Variants in ATP4A observed in about 807,000 individuals in gnomAD.
The protein encoded by ATP4A is ATPase H+/K+ transporting subunit alpha, also known as potassium-transporting ATPase alpha chain 1.
Under a neutral mutation model 112.1 loss-of-function variants are expected in ATP4A, and 73 were observed. The ratio of observed to expected loss-of-function variants is 0.65; its 90% CI spans 0.54 to 0.79. ATP4A has a LOEUF of 0.79. Among genes scored for constraint, ATP4A ranks in the 30% least tolerant of loss-of-function variants. The pLI is 0.00. For missense variants in ATP4A, 1,081 were observed against 1,425.9 expected, an observed-to-expected ratio of 0.76 and a Z score of 3.90; for synonymous variants, 588 against 588.9, an observed-to-expected ratio of 1.00 and a Z score of 0.02.
At position 35,550,580 on chromosome 19, in the gene ATP4A, G is replaced by T. The variant is rs776430339; in HGVS notation, c.*35C>A. 1 of 1,613,158 alleles carries T rather than the reference G, an allele frequency of 6.2e-7. No individual in the cohort carries two copies. Among genetic ancestry groups the T allele is most frequent in the South Asian group, 1.1e-5 (1 of 91,068 alleles). ...CACGAGCCCTGCCCCCACCTGCTGTGGCAGTTGCAGGGATGCTTGAAGGCA... is the reference window on the plus strand; with the variant it reads ...CACGAGCCCTGCCCCCACCTGCTGTTGCAGTTGCAGGGATGCTTGAAGGCA... On this transcript the variant is annotated 3_prime_UTR_variant, in exon 22 of 22. Transcript: ENST00000262623. This position sits in a 1 kb window ranked among gnomAD's most constrained non-coding sequence, Gnocchi z 4.1.
Position 35,559,200 on chromosome 19 carries a change from G to C in ATP4A, c.1057-9C>G, listed in dbSNP as rs780485436. The C allele has an allele frequency of 6.2e-7, 1 of 1,613,484 alleles. No homozygotes were observed. The highest frequency in any genetic ancestry group is 2.2e-5 in the East Asian group (1 of 44,874). On this transcript the variant is annotated splice_polypyrimidine_tract_variant and intron_variant, in intron 7 of 21. Transcript: ENST00000262623. The surrounding 1 kb of genome is among the most constrained non-coding windows in gnomAD (Gnocchi z 4.1). ...GTCAGGGACAGGCAGACCTGGGGAA[G>C]GGGTGAGCACCGCAGGCTGGGGACC...
At position 35,555,356 on chromosome 19, in the gene ATP4A, G is replaced by A. The variant is rs1454126460; in HGVS notation, c.2158-22C>T. 15 of 1,606,044 alleles carry A rather than the reference G, an allele frequency of 9.3e-6. No homozygotes were observed. The highest frequency in any genetic ancestry group is 1.3e-5 in the African/African-American group (1 of 74,870). On this transcript the variant is annotated intron_variant, in intron 14 of 21. Coordinates refer to ENST00000262623, the MANE Select transcript of ATP4A (RefSeq NM_000704.3). The surrounding 1 kb of genome is among the most constrained non-coding windows in gnomAD (Gnocchi z 6.6). Reference sequence around the variant, plus strand: ...CACCCTGCAGGCAGTGGGTGCAGGTGGTGGGTGGGTGGTCAGTGAGAGGCC... The same window carrying A: ...CACCCTGCAGGCAGTGGGTGCAGGTAGTGGGTGGGTGGTCAGTGAGAGGCC...
chr19:35,553,670 C>T, intron 17 of ATP4A, 36 bp downstream of exon 17: 1 of 1,609,590 alleles, frequency 6.2e-7, no homozygotes, highest in Non-Finnish European at 8.5e-7. Flanking sequence ...GCGCAGAGCC[C>T]CCCACCTCCA....
Position 35,551,554 on chromosome 19 carries a change from C to T in ATP4A, c.2778G>A (p.Gln926=), listed in dbSNP as rs1488152268. Residue 926 remains glutamine, a synonymous_variant, in exon 19 of 22, where the codon CAG becomes CAA. Coordinates refer to ENST00000262623, the MANE Select transcript of ATP4A (RefSeq NM_000704.3). This position sits in a 1 kb window ranked among gnomAD's most constrained non-coding sequence, Gnocchi z 5.2. ...TGAAGAACACGGTGTAGCAGGTGTACTGCTGGTACAGGCGCTGCCCGAATG... is the reference window on the plus strand; with the variant it reads ...TGAAGAACACGGTGTAGCAGGTGTATTGCTGGTACAGGCGCTGCCCGAATG... ...EWTFGQRLYQ[Q]YTCYTVFFIS... is the part of the protein sequence containing the mutation. 1.9e-6 allele frequency: 3 copies of T among 1,613,488 alleles called. No homozygotes were observed. Among genetic ancestry groups the T allele is most frequent in the African/African-American group, 1.3e-5 (1 of 74,912 alleles).
chr19:35,550,954 T>C lies in ATP4A; in HGVS notation c.2988-29A>G. ...AAGGCACATGGCAAGGTGAAGGCCA[T>C]CCCAGGCCTGTGCCCTACAGCCCCC... On this transcript the variant is annotated intron_variant, in intron 20 of 21. Coordinates refer to ENST00000262623, the MANE Select transcript of ATP4A (RefSeq NM_000704.3). The surrounding 1 kb of genome is among the most constrained non-coding windows in gnomAD (Gnocchi z 4.1). The C allele has an allele frequency of 6.2e-7, 1 of 1,613,520 alleles. No individual in the cohort carries two copies. The highest frequency in any genetic ancestry group is 8.5e-7 in the Non-Finnish European group (1 of 1,179,626).
rs2146308983 is a variant in ATP4A at position 35,557,026 on chromosome 19, C to T, written c.1756G>A (p.Ala586Thr). ...AGGCCGCTAGATGGAAAGTTCATGG[C>T]CTCTACGTCGAAGGCATAGCCAGGC... ...YPPGYAFDVE[A>T]MNFPSSGLCF... Residue 586 changes from alanine to threonine, a missense_variant, in exon 12 of 22, where the codon GCC becomes ACC. By Grantham distance (58) the Ala-to-Thr change is moderately conservative (BLOSUM62 0). Transcript: ENST00000262623. This position sits in a 1 kb window ranked among gnomAD's most constrained non-coding sequence, Gnocchi z 4.4. 1.2e-6 allele frequency: 2 copies of T among 1,614,180 alleles called. No individual in the cohort carries two copies. The highest frequency in any genetic ancestry group is 4.5e-5 in the East Asian group (2 of 44,880).
chr19:35,558,106 G>C lies in ATP4A; in HGVS notation c.1500+256C>G, dbSNP rs1257732467. 9.6e-6 allele frequency: 6 copies of C among 622,062 alleles called. No individual in the cohort carries two copies. Among genetic ancestry groups the C allele is most frequent in the Non-Finnish European group, 1.7e-5 (6 of 361,270 alleles). The allele number at this position is 622,062 out of a possible 1,614,324, so 38.5% of individuals were successfully genotyped here. A position where few individuals can be genotyped will look rare whatever the true frequency, so the allele number is the denominator to read the frequency against. ...GAACAGAATTAGGGTGCGGAGTTGG[G>C]CTGGGGGCGGATTTGGAGAGCGAGG... is the stretch of plus-strand genomic sequence containing the variant. On this transcript the variant is annotated intron_variant, in intron 10 of 21. Coordinates refer to ENST00000262623, the MANE Select transcript of ATP4A (RefSeq NM_000704.3). The surrounding 1 kb of genome is among the most constrained non-coding windows in gnomAD (Gnocchi z 5.1).
intron 2 of ATP4A, 32 bp from the exon 3 acceptor site, chr19:35,563,300 C>T (rs766297456): frequency 6.2e-7 from 1 of 1,613,962 alleles, no homozygotes; most frequent in Admixed American, 1.7e-5. Flanking sequence ...GGTGCTTGCT[C>T]TGGGCTCTCC....
rs2071677617 is a variant in ATP4A, at chr19:35,562,574, G to A, written c.281C>T (p.Pro94Leu). 3 of 1,611,862 alleles carry A rather than the reference G, an allele frequency of 1.9e-6. No individual in the cohort carries two copies. The highest frequency in any genetic ancestry group is 1.7e-5 in the Admixed American group (1 of 59,722). Residue 94 changes from proline (P) to leucine (L), a missense_variant, in exon 4 of 22, where the codon CCA becomes CTA. Pro to Leu is a moderately conservative substitution (Grantham distance 98). Transcript: ENST00000262623. Reference sequence around the variant, plus strand: ...CTTGACGTACTCTGGGGTGCCCCGTGGTGGCCGCAGTGCGTTGGGCCCATC... The same window carrying A: ...CTTGACGTACTCTGGGGTGCCCCGTAGTGGCCGCAGTGCGTTGGGCCCATC... ...LRDGPNALRP[P>L]RGTPEYVKFA...
Position 35,558,962 on chromosome 19 carries a change from C to T in ATP4A, c.1255+31G>A. The T allele has an allele frequency of 1.2e-6, 2 of 1,612,156 alleles. No homozygotes were observed. Among genetic ancestry groups the T allele is most frequent in the Non-Finnish European group, 1.7e-6 (2 of 1,178,550 alleles). On this transcript the variant is annotated intron_variant, in intron 8 of 21. Coordinates refer to ENST00000262623, the MANE Select transcript of ATP4A (RefSeq NM_000704.3). The surrounding 1 kb of genome is among the most constrained non-coding windows in gnomAD (Gnocchi z 5.1). ...GGTCTCCACCATCCACCAGATCCTG[C>T]CCTGGCGCCTGTGCCCTCCCTCCCC...
rs779926969 is a variant in ATP4A, at chr19:35,555,112, G to A, written c.2327-36C>T. The A allele has an allele frequency of 6.2e-7, 1 of 1,613,550 alleles. No homozygotes were observed. Among genetic ancestry groups the A allele is most frequent in the Non-Finnish European group, 8.5e-7 (1 of 1,179,690 alleles). On this transcript the variant is annotated intron_variant, in intron 15 of 21. Coordinates refer to ENST00000262623, the MANE Select transcript of ATP4A (RefSeq NM_000704.3). The surrounding 1 kb of genome is among the most constrained non-coding windows in gnomAD (Gnocchi z 6.6). ...GGGTGGGCACCTCAGCCTCCTCACA[G>A]CCCTCTCCCTCCTGTGCCCACACTG...
In ATP4A at chr19:35,557,155, G is replaced by A. The variant is rs2071635934; in HGVS notation, c.1694-67C>T. ...CCCTTTCTTAGCAGGGCCAGGAAAT[G>A]GGTAAAATAACCAGGCCCCTTGCAC... On this transcript the variant is annotated intron_variant, in intron 11 of 21. Transcript: ENST00000262623. This position sits in a 1 kb window ranked among gnomAD's most constrained non-coding sequence, Gnocchi z 4.4. The A allele has an allele frequency of 6.4e-7, 1 of 1,572,052 alleles. No homozygotes were observed. Among genetic ancestry groups the A allele is most frequent in the African/African-American group, 1.4e-5 (1 of 73,452 alleles).
In ATP4A at chr19:35,555,687, C is replaced by G. The variant is rs763403043; in HGVS notation, c.1995G>C (p.Gln665His). The change falls in exon 13 of 22, where the codon CAG (glutamine) becomes CAC (histidine). Residue 665 changes from glutamine to histidine, a missense_variant. Transcript: ENST00000262623. This position sits in a 1 kb window ranked among gnomAD's most constrained non-coding sequence, Gnocchi z 6.6. Reference protein sequence around the residue: ...IAARLRVPVDQVNRKDARACV... With the variant: ...IAARLRVPVDHVNRKDARACV... Reference sequence around the variant, plus strand: ...CTGGGGGGGCTTACTTGCGATTAACCTGGTCTACGGGCACACGGAGGCGGG... The same window carrying G: ...CTGGGGGGGCTTACTTGCGATTAACGTGGTCTACGGGCACACGGAGGCGGG... 30 of 1,604,198 alleles carry G rather than the reference C, an allele frequency of 1.9e-5. No individual in the cohort carries two copies. In the Admixed American group the frequency reaches 5.0e-4, roughly 27 times the overall value.
Position 35,558,537 on chromosome 19 carries a change from C to T in ATP4A, c.1365+40G>A. 1.9e-6 allele frequency: 3 copies of T among 1,589,942 alleles called. No homozygotes were observed. Among genetic ancestry groups the T allele is most frequent in the Non-Finnish European group, 1.7e-6 (2 of 1,168,932 alleles). ...GGTGTCAGGGGCGAAGCCGGCTACA[C>T]CAGCCTCCCGGGATTCCCTGGAGGC... On this transcript the variant is annotated intron_variant, in intron 9 of 21. Transcript: ENST00000262623. This position sits in a 1 kb window ranked among gnomAD's most constrained non-coding sequence, Gnocchi z 5.1.
rs1415685720 is a variant in ATP4A at position 35,557,450 on chromosome 19, G to A, written c.1693+205C>T. Reference sequence around the variant, plus strand: ...AGGTCAGGATACGGATAAAAGTCCAGGTGAGGACTGGGGTCAAGGTAGAAA... The same window carrying A: ...AGGTCAGGATACGGATAAAAGTCCAAGTGAGGACTGGGGTCAAGGTAGAAA... On this transcript the variant is annotated intron_variant, in intron 11 of 21. Transcript: ENST00000262623. This position sits in a 1 kb window ranked among gnomAD's most constrained non-coding sequence, Gnocchi z 4.4. Among the ~76,000 whole-genome samples the A allele has an allele frequency of 2.0e-5, 3 of 152,222 alleles. No individual in the cohort carries two copies. In the East Asian group the frequency reaches 5.8e-4, roughly 29 times the overall value.
At position 35,558,238 on chromosome 19, in the gene ATP4A, TG is replaced by T; in HGVS notation, c.1500+123del. On this transcript the variant is annotated intron_variant, in intron 10 of 21. Transcript: ENST00000262623. The surrounding 1 kb of genome is among the most constrained non-coding windows in gnomAD (Gnocchi z 5.1). The stretch of plus-strand genomic sequence containing the variant: ...GCCATAGGCGGAGCGGGAGATGGGG[TG>T]GGGTTTGGCTGCGGAGAGAAGGGGC... The T allele has an allele frequency of 8.1e-7, 1 of 1,231,374 alleles. No individual in the cohort carries two copies. Among genetic ancestry groups the T allele is most frequent in the Non-Finnish European group, 1.1e-6 (1 of 919,348 alleles). The allele number at this position is 1,231,374 out of a possible 1,614,324, so 76.3% of individuals were successfully genotyped here.
In ATP4A at chr19:35,551,880, C is replaced by T. The variant is rs970968815; in HGVS notation, c.2752-300G>A. Reference sequence around the variant, plus strand: ...GGGGGGAGGCACCCAAAAGAAAGGGCCTGGGAAAGGGGAATTGAAATCCTC... The same window carrying T: ...GGGGGGAGGCACCCAAAAGAAAGGGTCTGGGAAAGGGGAATTGAAATCCTC... On this transcript the variant is annotated intron_variant, in intron 18 of 21. Coordinates refer to ENST00000262623, the MANE Select transcript of ATP4A (RefSeq NM_000704.3). The surrounding 1 kb of genome is among the most constrained non-coding windows in gnomAD (Gnocchi z 5.2). Among the ~76,000 whole-genome samples, 1 of 152,080 alleles carries T rather than the reference C, an allele frequency of 6.6e-6. No homozygotes were observed. The highest frequency in any genetic ancestry group is 6.5e-5 in the Admixed American group (1 of 15,270).
In ATP4A at chr19:35,556,967, T is replaced by A; in HGVS notation, c.1815A>T (p.Pro605=). The A allele has an allele frequency of 1.2e-6, 2 of 1,614,000 alleles. No individual in the cohort carries two copies. Among genetic ancestry groups the A allele is most frequent in the Middle Eastern group, 1.6e-4 (1 of 6,062 alleles). Residue 605 remains proline (P), a synonymous_variant, in exon 12 of 22, where the codon CCA becomes CCT. Transcript: ENST00000262623. ...CFAGLVSMID[P]PRATVPDAVL... is the part of the protein sequence containing the mutation. ...CAGCATCAGGGACGGTGGCCCGGGGTGGGTCAATCATGGATACAAGTCCCG... is the reference window on the plus strand; with the variant it reads ...CAGCATCAGGGACGGTGGCCCGGGGAGGGTCAATCATGGATACAAGTCCCG...
chr19:35,556,930 G>A lies in ATP4A; in HGVS notation c.1852C>T (p.Arg618Cys), dbSNP rs762433608. Reference protein sequence around the residue: ...ATVPDAVLKCRTAGIRVIMVT... With the variant: ...ATVPDAVLKCCTAGIRVIMVT... ...TGGCATACCCGGATGCCTGCGGTGC[G>A]ACACTTGAGCACAGCATCAGGGACG... Residue 618 changes from arginine (R) to cysteine (C), a missense_variant, in exon 12 of 22, where the codon CGC becomes TGC. Arg to Cys is a radical substitution (Grantham distance 180, BLOSUM62 -3). Around this residue, in one of 3 missense-constraint regions of ATP4A, gnomAD observed 850 missense variants for 1,068.2 expected, o/e 0.80. Transcript: ENST00000262623. The A allele has an allele frequency of 1.7e-5, 28 of 1,613,892 alleles. No homozygotes were observed. The highest frequency in any genetic ancestry group is 1.3e-4 in the African/African-American group (10 of 74,916).
Sources: gnomAD v4.1 joint callset for allele counts (sites outside exome capture counted in the v4.1 genomes callset) on GRCh38, gnomAD v4.1.1 for gene constraint, gnomAD v4.1.1 regional missense constraint, Gnocchi (gnomAD v3.1) non-coding constraint, MANE v1.5 for transcripts, NCBI Gene and HGNC (gene_info 2026-07-23, HGNC 2026-07-21) for gene names.